Variants in ERBB4 observed in about 807,000 individuals in gnomAD.
ERBB4 encodes the protein erb-b2 receptor tyrosine kinase 4.
In ERBB4, 42 loss-of-function variants were observed where a neutral mutation model predicts 158.0. That is an observed-to-expected ratio of 0.27 (90% CI 0.21 to 0.34). The LOEUF is 0.34. ERBB4 is among the 10% of genes least tolerant of loss of function. ERBB4 has a pLI of 1.00. For synonymous variants in ERBB4, 583 were observed against 558.7 expected (o/e 1.04, Z -0.61); for missense variants, 1,333 against 1,624.1 (o/e 0.82, Z 3.08).
rs185790204 is a variant in ERBB4, at chr2:211,710,047, T to G, written c.1124+2003A>C. Among the ~76,000 whole-genome samples, 512 of 152,272 alleles carry G rather than the reference T, an allele frequency of 3.4e-3. 3 individuals are homozygous for G. Among genetic ancestry groups the G allele is most frequent in the African/African-American group, 0.012 (491 of 41,556 alleles). On this transcript the variant is annotated intron_variant, in intron 9 of 27. Transcript: ENST00000342788. ...TTTATTGTACCTTACTTTTTCGTAT[T>G]TCTTTTAAAATTACAACTAGAGAAT...
intron 20 of ERBB4, among the ~76,000 whole-genome samples, chr2:211,441,038 C>T (rs1390123318): frequency 6.6e-6 from 1 of 152,162 alleles, no homozygotes; most frequent in Admixed American, 6.6e-5. Context: ...CTGATCTGCC[C>T]CATGCCCTCC....
chr2:212,138,176 G>A (rs1396132441), intron 1 of ERBB4, among the ~76,000 whole-genome samples: 1 of 152,066 alleles, frequency 6.6e-6, no homozygotes, highest in Non-Finnish European at 1.5e-5. Context: ...CACAATCAAA[G>A]TCAAAGTTCA....
chr2:211,774,918 G>C (rs1239863811), intron 4 of ERBB4, among the ~76,000 whole-genome samples: 1 of 152,142 alleles, frequency 6.6e-6, no homozygotes, highest in Non-Finnish European at 1.5e-5. Context: ...TAATAGATTA[G>C]TCCAATGTAA....
At chr2:211,823,547 G>T (rs1432620333) in intron 3 of ERBB4, among the ~76,000 whole-genome samples, 1 of 151,842 alleles carries the variant, frequency 6.6e-6, no homozygotes, top group African/African-American at 2.4e-5. Flanking sequence ...ATTCCTAGCA[G>T]AATTCACTTT....
At chr2:211,838,253 G>C (rs1198658956) in intron 3 of ERBB4, among the ~76,000 whole-genome samples, 1 of 151,952 alleles carries the variant, frequency 6.6e-6, no homozygotes, top group Non-Finnish European at 1.5e-5. Flanking sequence ...AGCGGGGTGG[G>C]GGATGGTGGT....
rs71397157 is a variant in ERBB4 at position 212,015,028 on chromosome 2, TAA to T, written c.235-67414_235-67413del. Among the ~76,000 whole-genome samples, 28 of 4,526 alleles carry T rather than the reference TAA, an allele frequency of 6.2e-3. 4 individuals are homozygous for T. The highest frequency in any genetic ancestry group is 6.8e-3 in the African/African-American group (27 of 3,968). 3.0% of individuals were successfully genotyped at this position (4,526 alleles called of 152,430 possible). On this transcript the variant is annotated intron_variant, in intron 2 of 27. Transcript: ENST00000342788. ...TAACACGGTGAAACCCCGTCTCTACTAAAAAAAAAAAAAATATATATATATAT... is the reference window on the plus strand; with the variant it reads ...TAACACGGTGAAACCCCGTCTCTACTAAAAAAAAAAAATATATATATATAT...
At chr2:211,469,747 G>A (rs559301268) in intron 20 of ERBB4, among the ~76,000 whole-genome samples, 9 of 152,248 alleles carry the variant, frequency 5.9e-5, no homozygotes, top group South Asian at 2.1e-4. Flanking sequence ...AATCTTTGTC[G>A]TGCAAGTATA....
rs542592628 is a variant in ERBB4 at position 212,079,027 on chromosome 2, C to T, written c.234+45725G>A. 2.5e-3 allele frequency among the ~76,000 whole-genome samples: 378 copies of T among 151,068 alleles called. 1 individual carries two copies. The highest frequency in any genetic ancestry group is 8.8e-3 in the African/African-American group (364 of 41,398). Reference sequence around the variant, plus strand: ...TTTACTTCATTCCTTTTTTCTATTTCATTTTTATATTATCCATAAAGCATA... The same window carrying T: ...TTTACTTCATTCCTTTTTTCTATTTTATTTTTATATTATCCATAAAGCATA... On this transcript the variant is annotated intron_variant, in intron 2 of 27. Transcript: ENST00000342788.
intron 3 of ERBB4, among the ~76,000 whole-genome samples, chr2:211,822,375 A>G (rs1292848866): frequency 1.3e-5 from 2 of 152,074 alleles, no homozygotes; most frequent in African/African-American, 2.4e-5. Flanking sequence ...TATTATGTGT[A>G]TCACAACATC....
chr2:211,756,254 GAA>G (rs2075285376), intron 4 of ERBB4, among the ~76,000 whole-genome samples: 1 of 152,158 alleles, frequency 6.6e-6, no homozygotes, highest in South Asian at 2.1e-4. Context: ...AAAGTGGAGA[GAA>G]AGGATTGCAG....
At position 211,381,425 on chromosome 2, in the gene ERBB4, T is replaced by C. The variant is rs1489285356; in HGVS notation, c.*2190A>G. On this transcript the variant is annotated 3_prime_UTR_variant, in exon 28 of 28. Coordinates refer to ENST00000342788, the MANE Select transcript of ERBB4 (RefSeq NM_005235.3). The stretch of plus-strand genomic sequence containing the variant: ...TTGTCAACATCAACAATTTGAAGGA[T>C]GTTTAACTTATATCCCAAATGAGTT... 8.6e-6 allele frequency: 2 copies of C among 232,044 alleles called. No homozygotes were observed. The highest frequency in any genetic ancestry group is 2.2e-5 in the African/African-American group (1 of 45,284). The allele number at this position is 232,044 out of a possible 1,614,324, so 14.4% of individuals were successfully genotyped here.
At chr2:211,956,554 C>T (rs1302317181) in intron 2 of ERBB4, among the ~76,000 whole-genome samples, 5 of 152,006 alleles carry the variant, frequency 3.3e-5, no homozygotes, top group Non-Finnish European at 5.9e-5. Flanking sequence ...TTCAATATTA[C>T]GTTCCTCTTC....
chr2:211,633,513 G>T, intron 16 of ERBB4, among the ~76,000 whole-genome samples: 1 of 114,300 alleles, frequency 8.7e-6, no homozygotes, highest in African/African-American at 3.2e-5. Flanking sequence ...AAATTCACTA[G>T]GGTTTTTCTC....
chr2:211,867,027 A>C (rs1476677239), intron 3 of ERBB4, among the ~76,000 whole-genome samples: 8 of 100,546 alleles, frequency 8.0e-5, no homozygotes, highest in African/African-American at 2.5e-4. Flanking sequence ...TTAAAACCAA[A>C]AAAAAAAAAA....
intron 20 of ERBB4, among the ~76,000 whole-genome samples, chr2:211,438,989 A>AGTGTGTGT (rs58211149): frequency 2.3e-3 from 343 of 149,190 alleles, no homozygotes; most frequent in African/African-American, 7.8e-3. Context: ...AATATATTTG[A>AGTGTGTGT]GTGTGTGTGT....
At chr2:212,432,158 GA>G (rs1183278955) in intron 1 of ERBB4, among the ~76,000 whole-genome samples, 1 of 152,152 alleles carries the variant, frequency 6.6e-6, no homozygotes, top group Non-Finnish European at 1.5e-5. Flanking sequence ...CACCTTGAGG[GA>G]TGGCCTTTCC....
chr2:211,397,815 A>G (rs1180190847), intron 25 of ERBB4, among the ~76,000 whole-genome samples: 2 of 152,204 alleles, frequency 1.3e-5, no homozygotes, highest in East Asian at 1.9e-4. Flanking sequence ...TCACACTCCA[A>G]AAACATCCTC....
At chr2:212,402,730 A>G (rs939516538) in intron 1 of ERBB4, among the ~76,000 whole-genome samples, 2 of 152,142 alleles carry the variant, frequency 1.3e-5, no homozygotes, top group African/African-American at 4.8e-5. Flanking sequence ...CTGCATGTGT[A>G]TAAATACAGG....
chr2:211,875,443 C>A (rs1198037048), intron 3 of ERBB4, among the ~76,000 whole-genome samples: 1 of 151,998 alleles, frequency 6.6e-6, no homozygotes, highest in Non-Finnish European at 1.5e-5. Context: ...TAATAATGAG[C>A]AAATTTTGAA....
Sources: gnomAD v4.1 joint callset for allele counts (sites outside exome capture counted in the v4.1 genomes callset) on GRCh38, gnomAD v4.1.1 for gene constraint, MANE v1.5 for transcripts, NCBI Gene and HGNC (gene_info 2026-07-23, HGNC 2026-07-21) for gene names.